CPEB4: variants seen among roughly 807,000 people sequenced by gnomAD.
The protein encoded by CPEB4 is cytoplasmic polyadenylation element-binding protein 4.
CPEB4 carries 12 observed loss-of-function variants against 72.5 expected under a neutral mutation model. That is an observed-to-expected ratio of 0.17 (90% CI 0.11 to 0.27). CPEB4 has a LOEUF of 0.27. Ranked by LOEUF, CPEB4 falls within the 10% of genes least tolerant of loss-of-function variation. The pLI, the probability that CPEB4 is intolerant of heterozygous loss-of-function variation, is 1.00. For synonymous variants in CPEB4, 302 were observed against 326.3 expected, an observed-to-expected ratio of 0.93 and a Z score of 0.80; for missense variants, 614 against 908.5, an observed-to-expected ratio of 0.68 and a Z score of 4.17.
At chr5:173,907,465 G>A (rs975152568) in intron 1 of CPEB4, among the ~76,000 whole-genome samples, 1 of 152,046 alleles carries the variant, frequency 6.6e-6, no homozygotes, top group African/African-American at 2.4e-5. Flanking sequence ...TGCATGTTCC[G>A]GAAATTCATA....
intron 2 of CPEB4, 55 bp from the exon 3 acceptor site, chr5:173,932,395 G>A: frequency 1.4e-6 from 2 of 1,424,334 alleles, no homozygotes; most frequent in Non-Finnish European, 2.0e-6. Context: ...TATTGAATAA[G>A]TTTAAACCAT....
intron 2 of CPEB4, among the ~76,000 whole-genome samples, chr5:173,914,046 C>T: frequency 6.6e-6 from 1 of 152,196 alleles, no homozygotes; most frequent in Non-Finnish European, 1.5e-5. Context: ...GAGTATATTA[C>T]AGGAAGCTTG....
rs1758554360 is a variant in CPEB4 at position 173,961,669 on chromosome 5, G to A, written c.*5532G>A. 6.6e-6 allele frequency: 1 copy of A among 151,360 alleles called. No individual in the cohort carries two copies. Among genetic ancestry groups the A allele is most frequent in the Non-Finnish European group, 1.5e-5 (1 of 67,914 alleles). 9.4% of individuals were successfully genotyped at this position (151,360 alleles called of 1,614,324 possible). ...CATTTCATAACCCCTTTTGGTAATG[G>A]GTGTTTGTGTCCACAGCTAGATCAG... On this transcript the variant is annotated 3_prime_UTR_variant, in exon 10 of 10. Coordinates refer to ENST00000265085, the MANE Select transcript of CPEB4 (RefSeq NM_030627.4).
Position 173,951,917 on chromosome 5 carries a change from G to A in CPEB4, c.1759G>A (p.Val587Ile), listed in dbSNP as rs1758227478. 1.9e-6 allele frequency: 3 copies of A among 1,612,118 alleles called. No individual in the cohort carries two copies. The highest frequency in any genetic ancestry group is 2.5e-6 in the Non-Finnish European group (3 of 1,178,392). Residue 587 changes from valine (V) to isoleucine (I), a missense_variant, in exon 8 of 10, where the codon GTT (valine) becomes ATT (isoleucine). Around this residue, in one of 5 missense-constraint regions of CPEB4, gnomAD observed 101 missense variants for 243.1 expected, o/e 0.42. Transcript: ENST00000265085. The stretch of plus-strand genomic sequence containing the variant: ...ACGAAAAACTATATTTGTTGGTGGT[G>A]TTCCTCGACCATTACGAGCTGGTAT... ...DPRKTIFVGGVPRPLRAVELA... is the reference protein window; with the variant it reads ...DPRKTIFVGGIPRPLRAVELA...
chr5:173,948,476 A>G (rs945267355), intron 5 of CPEB4, among the ~76,000 whole-genome samples: 1 of 152,226 alleles, frequency 6.6e-6, no homozygotes, highest in East Asian at 1.9e-4. Context: ...AGCCTGGGCA[A>G]CATAGTGAGC....
At position 173,956,261 on chromosome 5, in the gene CPEB4, T is replaced by TTCCC. The variant is rs1159344903; in HGVS notation, c.*124_*125insTCCC. ...GTAGCAGTCTGTAACTTAACTATAGTATAATGAAAAGAATGACCTATAATA... is the reference window on the plus strand; with the variant it reads ...GTAGCAGTCTGTAACTTAACTATAGTTCCCATAATGAAAAGAATGACCTATAATA... On this transcript the variant is annotated 3_prime_UTR_variant, in exon 10 of 10. Transcript: ENST00000265085. 9 of 692,610 alleles carry TTCCC rather than the reference T, an allele frequency of 1.3e-5. No homozygotes were observed. The African/African-American group carries it at 1.6e-4, about 12-fold the overall frequency. 42.9% of individuals were successfully genotyped at this position (692,610 alleles called of 1,614,324 possible).
chr5:173,930,607 A>G (rs1581146820), intron 2 of CPEB4, among the ~76,000 whole-genome samples: 1 of 151,964 alleles, frequency 6.6e-6, no homozygotes, highest in East Asian at 1.9e-4. Context: ...TCCTACCTCC[A>G]CTCCCTACAT....
chr5:173,906,982 T>C (rs1001317900), intron 1 of CPEB4, among the ~76,000 whole-genome samples: 1 of 152,128 alleles, frequency 6.6e-6, no homozygotes, highest in African/African-American at 2.4e-5. Flanking sequence ...TAAAAACCTA[T>C]AGGTTGCCAG....
At position 173,899,947 on chromosome 5, in the gene CPEB4, T is replaced by A. The variant is rs570525426; in HGVS notation, c.1125+9089T>A. ...CTCTTTGTGCTTGAGTGTTGAGGAG[T>A]GCCTTCTGCCCAGGAGATTCTGGAG... is the stretch of plus-strand genomic sequence containing the variant. On this transcript the variant is annotated intron_variant, in intron 1 of 9. Coordinates refer to ENST00000265085, the MANE Select transcript of CPEB4 (RefSeq NM_030627.4). 2.0e-5 allele frequency among the ~76,000 whole-genome samples: 3 copies of A among 151,900 alleles called. No homozygotes were observed. The East Asian group carries it at 5.8e-4, about 29-fold the overall frequency.
At position 173,900,414 on chromosome 5, in the gene CPEB4, A is replaced by G. The variant is rs1756188227; in HGVS notation, c.1125+9556A>G. Among the ~76,000 whole-genome samples the G allele has an allele frequency of 6.6e-6, 1 of 152,084 alleles. No homozygotes were observed. Among genetic ancestry groups the G allele is most frequent in the African/African-American group, 2.4e-5 (1 of 41,410 alleles). Reference sequence around the variant, plus strand: ...CAGCGGAACTCTGTCTCAAAAAAAAAAAAAGTTGTACATTAGGGTGGACCC... The same window carrying G: ...CAGCGGAACTCTGTCTCAAAAAAAAGAAAAGTTGTACATTAGGGTGGACCC... On this transcript the variant is annotated intron_variant, in intron 1 of 9. Transcript: ENST00000265085. The surrounding 1 kb of genome is among the most constrained non-coding windows in gnomAD (Gnocchi z 4.4).
intron 2 of CPEB4, among the ~76,000 whole-genome samples, chr5:173,930,880 T>C (rs1757421669): frequency 6.6e-6 from 1 of 151,384 alleles, no homozygotes; most frequent in Admixed American, 6.6e-5. Context: ...TCCCAGCTAC[T>C]TGGGAGGCTG....
intron 2 of CPEB4, among the ~76,000 whole-genome samples, chr5:173,929,573 T>C (rs914243488): frequency 4.6e-5 from 7 of 152,076 alleles, no homozygotes; most frequent in African/African-American, 1.7e-4. Flanking sequence ...GTGGCATGCA[T>C]TGGTAGTCCC....
At chr5:173,904,251 A>G (rs1756343305) in intron 1 of CPEB4, among the ~76,000 whole-genome samples, 1 of 152,212 alleles carries the variant, frequency 6.6e-6, no homozygotes, top group African/African-American at 2.4e-5. Context: ...TAATAACTGA[A>G]CATATCTAAT....
chr5:173,929,658 A>G lies in CPEB4; in HGVS notation c.1208-2792A>G, dbSNP rs192163302. 1.2e-3 allele frequency among the ~76,000 whole-genome samples: 181 copies of G among 152,244 alleles called. 1 individual carries two copies. Among genetic ancestry groups the G allele is most frequent in the African/African-American group, 4.2e-3 (175 of 41,548 alleles). On this transcript the variant is annotated intron_variant, in intron 2 of 9. Coordinates refer to ENST00000265085, the MANE Select transcript of CPEB4 (RefSeq NM_030627.4). ...GAGGCTGGAGCTGAGATAGCACCACACTGCACTCCAGCCTGGGCAACAGAG... is the reference window on the plus strand; with the variant it reads ...GAGGCTGGAGCTGAGATAGCACCACGCTGCACTCCAGCCTGGGCAACAGAG...
chr5:173,915,030 G>T (rs1186297233), intron 2 of CPEB4, among the ~76,000 whole-genome samples: 1 of 152,098 alleles, frequency 6.6e-6, no homozygotes, highest in African/African-American at 2.4e-5. Context: ...ATCTATTGGT[G>T]TGGCTATTAT....
At chr5:173,922,461 G>C (rs773703878) in intron 2 of CPEB4, among the ~76,000 whole-genome samples, 1 of 152,106 alleles carries the variant, frequency 6.6e-6, no homozygotes, top group Non-Finnish European at 1.5e-5. Context: ...AAACTCCTGG[G>C]CTCAAGCAAT....
rs2113105843 is a variant in CPEB4, at chr5:173,888,931, T to G, written c.-803T>G. On this transcript the variant is annotated 5_prime_UTR_variant, in exon 1 of 10. Transcript: ENST00000265085. The surrounding 1 kb of genome is among the most constrained non-coding windows in gnomAD (Gnocchi z 4.3). Reference sequence around the variant, plus strand: ...GGGAGAAACGGGTGTTTCCAACCCCTTTCATGGGGGAGAGGAAGCCGCGGG... The same window carrying G: ...GGGAGAAACGGGTGTTTCCAACCCCGTTCATGGGGGAGAGGAAGCCGCGGG... 1 of 168,564 alleles carries G rather than the reference T, an allele frequency of 5.9e-6. No individual in the cohort carries two copies. Among genetic ancestry groups the G allele is most frequent in the South Asian group, 2.0e-4 (1 of 4,940 alleles). The allele number at this position is 168,564 out of a possible 1,614,324, so 10.4% of individuals were successfully genotyped here.
At chr5:173,925,149 C>T (rs1437147283) in intron 2 of CPEB4, among the ~76,000 whole-genome samples, 1 of 152,106 alleles carries the variant, frequency 6.6e-6, no homozygotes, top group Non-Finnish European at 1.5e-5. Context: ...TATGGGCCAG[C>T]AGTTCTGAAT....
intron 2 of CPEB4, among the ~76,000 whole-genome samples, chr5:173,927,129 A>G (rs538558459): frequency 6.6e-6 from 1 of 152,188 alleles, no homozygotes; most frequent in South Asian, 2.1e-4. Flanking sequence ...CCAGCCTGGG[A>G]GACAGAGCGA....
Sources: allele counts gnomAD v4.1 joint callset (sites outside exome capture counted in the v4.1 genomes callset), GRCh38; gene constraint gnomAD v4.1.1; regional missense constraint gnomAD v4.1.1; non-coding constraint Gnocchi (gnomAD v3.1); transcripts MANE v1.5; gene names NCBI Gene and HGNC (gene_info 2026-07-23, HGNC 2026-07-21).